Variants in PCDHA11 observed in about 807,000 individuals in gnomAD.
The protein encoded by PCDHA11 is protocadherin alpha-11.
A neutral mutation model predicts 70.3 loss-of-function variants in PCDHA11; 61 were observed. The ratio of observed to expected loss-of-function variants is 0.87; its 90% CI spans 0.71 to 1.07. PCDHA11 has a LOEUF of 1.07. Among genes scored for constraint, PCDHA11 ranks in the 50% least tolerant of loss-of-function variants. PCDHA11 has a pLI of 0.00. For synonymous variants in PCDHA11, 633 were observed against 555.1 expected (o/e 1.14, Z -1.97); for missense variants, 1,324 against 1,237.5 (o/e 1.07, Z -1.05).
At chr5:141,006,119 T>C (rs1327328997) in intron 3 of PCDHA11, among the ~76,000 whole-genome samples, 14 of 152,070 alleles carry the variant, frequency 9.2e-5, no homozygotes, top group South Asian at 4.2e-4. Context: ...TTTTTTTTTT[T>C]CTCAAGGCAG....
chr5:140,875,578 T>C lies in PCDHA11; in HGVS notation c.2391+4084T>C, dbSNP rs534589966. 6 of 1,614,098 alleles carry C rather than the reference T, an allele frequency of 3.7e-6. No homozygotes were observed. Among genetic ancestry groups the C allele is most frequent in the East Asian group, 4.5e-5 (2 of 44,882 alleles). On this transcript the variant is annotated intron_variant, in intron 1 of 3. Coordinates refer to ENST00000398640, the MANE Select transcript of PCDHA11 (RefSeq NM_018902.5). ...GAGCGGCCAGCTCCACTACTCCGTC[T>C]ACGAGGAGGCCAAACACGGCACCTT... is the stretch of plus-strand genomic sequence containing the variant.
At chr5:140,882,374 C>A in intron 1 of PCDHA11, 1 of 1,614,186 alleles carries the variant, frequency 6.2e-7, no homozygotes, top group East Asian at 2.2e-5. Flanking sequence ...CTACTCCGTC[C>A]CCGAGGAAGC....
chr5:140,961,510 T>C (rs1201672141), intron 1 of PCDHA11, among the ~76,000 whole-genome samples: 1 of 152,246 alleles, frequency 6.6e-6, no homozygotes, highest in Non-Finnish European at 1.5e-5. Context: ...CTTTGTTTAA[T>C]GTCTCCACAA....
chr5:140,877,476 G>T (rs1554169787), intron 1 of PCDHA11: 2 of 1,613,870 alleles, frequency 1.2e-6, no homozygotes, highest in South Asian at 1.1e-5. Flanking sequence ...TGCTGGTGTC[G>T]CTGGTGGAGA....
intron 1 of PCDHA11, among the ~76,000 whole-genome samples, chr5:140,930,708 C>T (rs1554208021): frequency 2.0e-5 from 3 of 152,088 alleles, no homozygotes; most frequent in Admixed American, 2.0e-4. Flanking sequence ...AGTTATTCTT[C>T]CTCAAGTAAT....
intron 1 of PCDHA11, chr5:140,927,826 G>T (rs782694866): frequency 2.5e-6 from 4 of 1,614,076 alleles, no homozygotes; most frequent in Middle Eastern, 3.3e-4. Flanking sequence ...ATACATTGAG[G>T]CGAGGGACGA....
intron 1 of PCDHA11, chr5:140,969,405 C>T (rs781817372): frequency 6.3e-7 from 1 of 1,577,066 alleles, no homozygotes; most frequent in Non-Finnish European, 8.6e-7. Flanking sequence ...TGTGATTTGG[C>T]TTTATTGAGT....
intron 1 of PCDHA11, among the ~76,000 whole-genome samples, chr5:140,958,025 A>G (rs920360369): frequency 1.3e-5 from 2 of 152,150 alleles, no homozygotes; most frequent in Non-Finnish European, 2.9e-5. Flanking sequence ...CAAGTATACT[A>G]TGCTTTCTTT....
chr5:140,872,354 A>G (rs2053612951), intron 1 of PCDHA11, among the ~76,000 whole-genome samples: 1 of 152,138 alleles, frequency 6.6e-6, no homozygotes, highest in Non-Finnish European at 1.5e-5. Context: ...TTGCCAGGCA[A>G]AGTGGTTCAG....
At chr5:140,882,016 A>C (rs1403488174) in intron 1 of PCDHA11, 1 of 543,846 alleles carries the variant, frequency 1.8e-6, no homozygotes, top group Non-Finnish European at 3.0e-6. Flanking sequence ...AAAAAATACT[A>C]CATCAATGGA....
At chr5:140,887,249 A>AC (rs1367463344) in intron 1 of PCDHA11, among the ~76,000 whole-genome samples, 3 of 151,838 alleles carry the variant, frequency 2.0e-5, no homozygotes, top group Non-Finnish European at 4.4e-5. Context: ...GGCGCCCGCC[A>AC]CCACGCCCTG....
At chr5:140,905,635 A>T (rs2071990855) in intron 1 of PCDHA11, among the ~76,000 whole-genome samples, 1 of 152,206 alleles carries the variant, frequency 6.6e-6, no homozygotes, top group Non-Finnish European at 1.5e-5. Context: ...CAGTATGGTC[A>T]GTTTCACAGT....
chr5:140,967,665 C>T (rs782126222), intron 1 of PCDHA11: 23 of 1,614,036 alleles, frequency 1.4e-5, no homozygotes, highest in East Asian at 2.2e-5. Context: ...AGCAGCTACA[C>T]GTCGGACCGG....
chr5:140,898,392 T>G (rs1464159946), intron 1 of PCDHA11, among the ~76,000 whole-genome samples: 3 of 152,224 alleles, frequency 2.0e-5, no homozygotes, highest in African/African-American at 7.2e-5. Flanking sequence ...GGATCCAGTT[T>G]CAGCTTTCTA....
At chr5:140,953,996 T>C (rs989520486) in intron 1 of PCDHA11, among the ~76,000 whole-genome samples, 1 of 152,158 alleles carries the variant, frequency 6.6e-6, no homozygotes, top group African/African-American at 2.4e-5. Context: ...TCATGTGTAC[T>C]CATCATTCAG....
intron 1 of PCDHA11, among the ~76,000 whole-genome samples, chr5:140,890,025 T>G (rs1438426095): frequency 2.0e-5 from 3 of 152,178 alleles, no homozygotes; most frequent in African/African-American, 7.2e-5. Context: ...TGTAGAAGGC[T>G]TCAGGTGACT....
intron 1 of PCDHA11, among the ~76,000 whole-genome samples, chr5:140,938,949 G>A (rs943956831): frequency 6.6e-6 from 1 of 152,028 alleles, no homozygotes; most frequent in Non-Finnish European, 1.5e-5. Flanking sequence ...TTCTTATAAT[G>A]CTCTAGTCGG....
rs1554263082 is a variant in PCDHA11 at position 141,010,709 on chromosome 5, TG to T, written c.*773del. 2 of 154,830 alleles carry T rather than the reference TG, an allele frequency of 1.3e-5. No individual in the cohort carries two copies. Among genetic ancestry groups the T allele is most frequent in the African/African-American group, 2.4e-5 (1 of 41,516 alleles). The allele number at this position is 154,830 out of a possible 1,614,324, so 9.6% of individuals were successfully genotyped here. On this transcript the variant is annotated 3_prime_UTR_variant, in exon 4 of 4. Transcript: ENST00000398640. Reference sequence around the variant, plus strand: ...TCTGATGTGTTTCCTATACATGTCCTGTGCTCACTTTATTAAAAATTCTTTT... The same window carrying T: ...TCTGATGTGTTTCCTATACATGTCCTTGCTCACTTTATTAAAAATTCTTTT...
intron 1 of PCDHA11, among the ~76,000 whole-genome samples, chr5:140,922,430 A>C (rs574413053): frequency 6.6e-6 from 1 of 152,364 alleles, no homozygotes; most frequent in East Asian, 1.9e-4. Flanking sequence ...GGCTGAGGGC[A>C]GAACTCTCTC....
Sources: allele counts gnomAD v4.1 joint callset (sites outside exome capture counted in the v4.1 genomes callset), GRCh38; gene constraint gnomAD v4.1.1; transcripts MANE v1.5; gene names NCBI Gene and HGNC (gene_info 2026-07-23, HGNC 2026-07-21).